Variants in ZNF439 observed in about 807,000 individuals in gnomAD.
The protein encoded by ZNF439 is zinc finger protein 439.
ZNF439 carries 40 observed loss-of-function variants against 47.3 expected under a neutral mutation model. The ratio of observed to expected loss-of-function variants is 0.85; its 90% CI spans 0.66 to 1.10. ZNF439 has a LOEUF of 1.10. ZNF439 is among the 50% of genes least tolerant of loss of function. ZNF439 has a pLI of 0.00. For synonymous variants in ZNF439, 171 were observed against 198.8 expected, an observed-to-expected ratio of 0.86 and a Z score of 1.18; for missense variants, 556 against 601.1, an observed-to-expected ratio of 0.93 and a Z score of 0.78.
At position 11,868,277 on chromosome 19, in the gene ZNF439, C is replaced by T. The variant is rs765577466; in HGVS notation, c.1223C>T (p.Thr408Ile). 13 of 1,613,914 alleles carry T rather than the reference C, an allele frequency of 8.1e-6. No individual in the cohort carries two copies. The highest frequency in any genetic ancestry group is 1.3e-5 in the African/African-American group (1 of 74,882). ...GGTTCCTTTCGATATCATGAAAGGACTCACACTGGAGAGAAACCCTATGAG... is the reference window on the plus strand; with the variant it reads ...GGTTCCTTTCGATATCATGAAAGGATTCACACTGGAGAGAAACCCTATGAG... ...RSGSFRYHER[T>I]HTGEKPYECK... is the part of the protein sequence containing the mutation. Residue 408 changes from threonine to isoleucine, a missense_variant, in exon 4 of 4, where the codon ACT (threonine) becomes ATT (isoleucine). Physicochemically the swap from Thr to Ile is moderately conservative, Grantham distance 89 (BLOSUM62 -1). Coordinates refer to ENST00000682736, the MANE Select transcript of ZNF439 (RefSeq NM_001348719.2).
At chr19:11,852,627 A>G (rs1214018760) in intron 1 of ZNF439, among the ~76,000 whole-genome samples, 1 of 152,128 alleles carries the variant, frequency 6.6e-6, no homozygotes, top group Admixed American at 6.5e-5. Context: ...CTCCTGCCTT[A>G]GCCTCCCAAG....
intron 2 of ZNF439, 74 bp from the exon 3 acceptor site, chr19:11,866,463 C>G: frequency 6.2e-7 from 1 of 1,601,102 alleles, no homozygotes; most frequent in Non-Finnish European, 8.5e-7. Context: ...TGCTGTAAAT[C>G]ATGGGCATAG....
chr19:11,862,382 G>A (rs1419936505), intron 1 of ZNF439, among the ~76,000 whole-genome samples: 1 of 151,882 alleles, frequency 6.6e-6, no homozygotes, highest in Non-Finnish European at 1.5e-5. Flanking sequence ...AGCAGTTAGA[G>A]ACCAGCCTGG....
In ZNF439 at chr19:11,867,688, G is replaced by A. The variant is rs747415076; in HGVS notation, c.634G>A (p.Val212Met). Residue 212 changes from valine (V) to methionine (M), a missense_variant, in exon 4 of 4, where the codon GTG (valine) becomes ATG (methionine). Transcript: ENST00000682736. ...YHSSIQRHMV[V>M]HSGDGPYKCK... ...TTCAAGCATTCAAAGACACATGGTA[G>A]TGCACAGTGGGGATGGACCTTATAA... The A allele has an allele frequency of 1.9e-6, 3 of 1,613,940 alleles. No homozygotes were observed. In the African/African-American group the frequency reaches 4.0e-5, roughly 22 times the overall value.
intron 1 of ZNF439, among the ~76,000 whole-genome samples, chr19:11,851,420 G>A (rs760123294): frequency 2.0e-4 from 31 of 152,172 alleles, no homozygotes; most frequent in African/African-American, 5.1e-4. Flanking sequence ...ACATTCTGTC[G>A]TTGTGGGAGT....
intron 1 of ZNF439, chr19:11,865,842 ACATGGAGAAAC>A: frequency 4.3e-6 from 1 of 231,156 alleles, no homozygotes; most frequent in Admixed American, 5.6e-5. Context: ...AGCCTGACCA[ACATGGAGAAAC>A]CCTGTCTCTA....
At chr19:11,853,323 G>A (rs1384132424) in intron 1 of ZNF439, among the ~76,000 whole-genome samples, 7 of 152,160 alleles carry the variant, frequency 4.6e-5, no homozygotes, top group Admixed American at 1.3e-4. Context: ...GGACGAATGC[G>A]GGAATAAAGA....
At chr19:11,863,406 C>T (rs1221461600) in intron 1 of ZNF439, among the ~76,000 whole-genome samples, 1 of 151,988 alleles carries the variant, frequency 6.6e-6, no homozygotes, top group Non-Finnish European at 1.5e-5. Flanking sequence ...GTGATCTACC[C>T]TCCTCAGCCT....
intron 1 of ZNF439, among the ~76,000 whole-genome samples, chr19:11,854,209 G>A (rs1439113696): frequency 6.6e-6 from 1 of 152,210 alleles, no homozygotes; most frequent in East Asian, 1.9e-4. Flanking sequence ...TTGGCTGTAT[G>A]CATCCAGTTC....
chr19:11,852,249 C>T (rs868340007), intron 1 of ZNF439, among the ~76,000 whole-genome samples: 2 of 152,008 alleles, frequency 1.3e-5, no homozygotes, highest in Non-Finnish European at 2.9e-5. Flanking sequence ...AGTGAGACCC[C>T]CCATCTCAAT....
chr19:11,864,064 T>C (rs1199462261), intron 1 of ZNF439, among the ~76,000 whole-genome samples: 2 of 152,184 alleles, frequency 1.3e-5, no homozygotes, highest in East Asian at 3.8e-4. Context: ...TGGAATCTTC[T>C]CTTGTATATT....
chr19:11,863,040 G>C (rs1214664967), intron 1 of ZNF439, among the ~76,000 whole-genome samples: 2 of 151,738 alleles, frequency 1.3e-5, no homozygotes, highest in Non-Finnish European at 2.9e-5. Context: ...GAGCCATCGT[G>C]CCCAGCCTGT....
intron 1 of ZNF439, chr19:11,849,798 T>A (rs1976183707): frequency 6.6e-6 from 1 of 152,182 alleles, no homozygotes; most frequent in South Asian, 2.1e-4. Context: ...TTTTATGAAT[T>A]CTAAGACGTA....
intron 1 of ZNF439, chr19:11,857,242 T>C (rs1477386744): frequency 6.6e-6 from 1 of 151,642 alleles, no homozygotes; most frequent in Non-Finnish European, 1.5e-5. Context: ...CGATGGAGAG[T>C]GGTTGTCTAT....
intron 1 of ZNF439, chr19:11,858,323 A>T (rs947490006): frequency 2.7e-5 from 4 of 150,746 alleles, no homozygotes; most frequent in South Asian, 2.1e-4. Context: ...AAAATTAGCC[A>T]GGCATGGTGG....
intron 1 of ZNF439, among the ~76,000 whole-genome samples, chr19:11,852,450 A>G (rs1347911435): frequency 6.6e-6 from 1 of 152,216 alleles, no homozygotes; most frequent in Non-Finnish European, 1.5e-5. Flanking sequence ...CCATGATCAC[A>G]TTGCTTCAAG....
chr19:11,851,062 A>C (rs1230709911), intron 1 of ZNF439: 1 of 152,030 alleles, frequency 6.6e-6, no homozygotes. Context: ...ACAAACAAAA[A>C]AGAGTTGAAG....
chr19:11,862,361 T>C (rs1976560944), intron 1 of ZNF439, among the ~76,000 whole-genome samples: 1 of 152,142 alleles, frequency 6.6e-6, no homozygotes, highest in Non-Finnish European at 1.5e-5. Flanking sequence ...GTGAGAAGAT[T>C]GCTTGAGGCC....
At position 11,867,545 on chromosome 19, in the gene ZNF439, A is replaced by G. The variant is rs1468755452; in HGVS notation, c.491A>G (p.Lys164Arg). Reference sequence around the variant, plus strand: ...CAGGAATATGGACCAAAGCCATGGAAGAGTCAACAACCTAAAAAAGCCTTC... The same window carrying G: ...CAGGAATATGGACCAAAGCCATGGAGGAGTCAACAACCTAAAAAAGCCTTC... ...ECQEYGPKPW[K>R]SQQPKKAFRY... Residue 164 changes from lysine to arginine, a missense_variant, in exon 4 of 4, where the codon AAG becomes AGG. Physicochemically the swap from Lys to Arg is conservative, Grantham distance 26. Transcript: ENST00000682736. 6.2e-7 allele frequency: 1 copy of G among 1,614,192 alleles called. No homozygotes were observed. Among genetic ancestry groups the G allele is most frequent in the Admixed American group, 1.7e-5 (1 of 60,032 alleles).
Sources: allele counts gnomAD v4.1 joint callset (sites outside exome capture counted in the v4.1 genomes callset), GRCh38; gene constraint gnomAD v4.1.1; transcripts MANE v1.5; gene names NCBI Gene and HGNC (gene_info 2026-07-23, HGNC 2026-07-21).